PCDHA3: variants seen among roughly 807,000 people sequenced by gnomAD.
PCDHA3 encodes the protein protocadherin alpha-3.
A neutral mutation model predicts 62.2 loss-of-function variants in PCDHA3; 41 were observed. That is an observed-to-expected ratio of 0.66 (90% confidence interval 0.51 to 0.86). PCDHA3 has a LOEUF of 0.86. Ranked by LOEUF, PCDHA3 falls within the 40% of genes least tolerant of loss-of-function variation. The pLI, the probability that PCDHA3 is intolerant of heterozygous loss-of-function variation, is 0.00. For missense variants in PCDHA3, 1,304 were observed against 1,241.2 expected, an observed-to-expected ratio of 1.05 and a Z score of -0.76; for synonymous variants, 640 against 555.4, an observed-to-expected ratio of 1.15 and a Z score of -2.14.
intron 3 of PCDHA3, among the ~76,000 whole-genome samples, chr5:140,983,425 C>T (rs1252010683): frequency 2.0e-5 from 3 of 152,198 alleles, no homozygotes; most frequent in Non-Finnish European, 4.4e-5. Context: ...GTAGAGACCA[C>T]AAATTGTGTC....
intron 1 of PCDHA3, among the ~76,000 whole-genome samples, chr5:140,904,904 C>A (rs1463349424): frequency 6.6e-6 from 1 of 151,948 alleles, no homozygotes; most frequent in Non-Finnish European, 1.5e-5. Context: ...GTTTTTCTTA[C>A]TGATTTGTTT....
chr5:140,869,249 C>T (rs1554162740), intron 1 of PCDHA3: 2 of 1,613,496 alleles, frequency 1.2e-6, no homozygotes, highest in Admixed American at 3.3e-5. Flanking sequence ...GGCCGCATCG[C>T]GCAGGACCTG....
At chr5:140,901,161 G>A (rs1554189608) in intron 1 of PCDHA3, among the ~76,000 whole-genome samples, 1 of 152,084 alleles carries the variant, frequency 6.6e-6, no homozygotes, top group African/African-American at 2.4e-5. Flanking sequence ...TCTGTGGGTT[G>A]TCTCTTCACT....
intron 1 of PCDHA3, among the ~76,000 whole-genome samples, chr5:140,819,205 A>G (rs1431805536): frequency 2.0e-5 from 3 of 152,176 alleles, no homozygotes; most frequent in Non-Finnish European, 4.4e-5. Flanking sequence ...TTATTTATAC[A>G]TTTTTATACA....
intron 1 of PCDHA3, chr5:140,927,342 T>C: frequency 6.2e-7 from 1 of 1,614,160 alleles, no homozygotes; most frequent in Non-Finnish European, 8.5e-7. Context: ...ATGCCCAAGA[T>C]GACGACGAGG....
At chr5:140,883,272 C>T in intron 1 of PCDHA3, 1 of 1,613,880 alleles carries the variant, frequency 6.2e-7, no homozygotes, top group Non-Finnish European at 8.5e-7. Context: ...GGTCATTGTA[C>T]CCTTTTGGTG....
At chr5:140,809,607 A>G (rs1554125314) in intron 1 of PCDHA3, 2 of 1,523,828 alleles carry the variant, frequency 1.3e-6, no homozygotes, top group Non-Finnish European at 1.8e-6. Context: ...TAATTTTCGT[A>G]TTGTTTTTCT....
intron 1 of PCDHA3, chr5:140,807,517 A>G (rs3822347): frequency 0.53 from 849,109 of 1,611,782 alleles, 224,501 homozygotes; most frequent in Middle Eastern, 0.58. Flanking sequence ...AGGTGATCGT[A>G]GACAGGCCGC....
chr5:140,914,377 G>C (rs2076685968), intron 1 of PCDHA3, among the ~76,000 whole-genome samples: 1 of 152,090 alleles, frequency 6.6e-6, no homozygotes, highest in Non-Finnish European at 1.5e-5. Flanking sequence ...TATTTTATCT[G>C]TTATAAGTGT....
At chr5:140,948,259 G>A (rs1430770984) in intron 1 of PCDHA3, among the ~76,000 whole-genome samples, 3 of 151,464 alleles carry the variant, frequency 2.0e-5, no homozygotes, top group Non-Finnish European at 3.0e-5. Context: ...TTACATCTGT[G>A]TTCATGTAGA....
At chr5:140,810,520 T>C (rs1764674598) in intron 1 of PCDHA3, 1 of 152,260 alleles carries the variant, frequency 6.6e-6, no homozygotes, top group Non-Finnish European at 1.5e-5. Flanking sequence ...TTAGCCATTT[T>C]ACTGGGTGAC....
At position 141,009,931 on chromosome 5, in the gene PCDHA3, C is replaced by T. The variant is rs2098415407; in HGVS notation, c.2847C>T (p.Asp949=). ...EKGNSTTDNS[D]Q ...GGAACAGCACGACTGACAACAGTGA[C>T]CAGTGAGGTCCTCAAATGGAAACAA... Residue 949 remains aspartate (D), a synonymous_variant, in exon 4 of 4, where the codon GAC becomes GAT. Transcript: ENST00000522353. The T allele has an allele frequency of 6.2e-7, 1 of 1,601,706 alleles. No individual in the cohort carries two copies. The highest frequency in any genetic ancestry group is 8.5e-7 in the Non-Finnish European group (1 of 1,175,864).
chr5:140,920,583 C>A (rs1287573835), intron 1 of PCDHA3, among the ~76,000 whole-genome samples: 1 of 152,106 alleles, frequency 6.6e-6, no homozygotes, highest in African/African-American at 2.4e-5. Context: ...CAGTGGCTCA[C>A]GCCTGTAATC....
In PCDHA3 at chr5:141,010,436, G is replaced by C; in HGVS notation, c.*499G>C. 2 of 1,038,344 alleles carry C rather than the reference G, an allele frequency of 1.9e-6. No individual in the cohort carries two copies. Among genetic ancestry groups the C allele is most frequent in the Admixed American group, 5.8e-5 (2 of 34,296 alleles). The allele number at this position is 1,038,344 out of a possible 1,614,324, so 64.3% of individuals were successfully genotyped here. A position where few individuals can be genotyped will look rare whatever the true frequency, so the allele number is the denominator to read the frequency against. On this transcript the variant is annotated 3_prime_UTR_variant, in exon 4 of 4. Coordinates refer to ENST00000522353, the MANE Select transcript of PCDHA3 (RefSeq NM_018906.3). The stretch of plus-strand genomic sequence containing the variant: ...GGTACAAGGAAGGCAAGAAAACAAA[G>C]ACAAATAAACAGCGGAAGTTATCAG...
chr5:140,864,323 T>C (rs2048419778), intron 1 of PCDHA3: 1 of 152,230 alleles, frequency 6.6e-6, no homozygotes, highest in Admixed American at 6.5e-5. Flanking sequence ...TTTAATATCA[T>C]AATTATTTGA....
intron 1 of PCDHA3, among the ~76,000 whole-genome samples, chr5:140,919,580 A>G (rs1454243319): frequency 1.3e-5 from 2 of 152,194 alleles, no homozygotes; most frequent in African/African-American, 4.8e-5. Context: ...TTAGAATGTA[A>G]CATGGTAATT....
intron 3 of PCDHA3, among the ~76,000 whole-genome samples, chr5:140,996,441 C>G (rs2097726719): frequency 6.6e-6 from 1 of 152,146 alleles, no homozygotes; most frequent in Non-Finnish European, 1.5e-5. Context: ...TAGTCAGTGT[C>G]AAGTTGTGGT....
Position 140,823,167 on chromosome 5 carries a change from G to A in PCDHA3, c.2394+19576G>A, listed in dbSNP as rs150604968. The A allele has an allele frequency of 3.1e-4, 499 of 1,613,956 alleles. 3 individuals carry two copies. In the African/African-American group the frequency reaches 6.0e-3, roughly 20 times the overall value. ...AGCCCCAGTATACCGTGTTCGTGAA[G>A]GAGAACAACCCGCCAGGCTGCCACA... is the stretch of plus-strand genomic sequence containing the variant. On this transcript the variant is annotated intron_variant, in intron 1 of 3. Coordinates refer to ENST00000522353, the MANE Select transcript of PCDHA3 (RefSeq NM_018906.3).
intron 2 of PCDHA3, among the ~76,000 whole-genome samples, chr5:140,980,164 G>A (rs187011465): frequency 1.6e-3 from 238 of 152,226 alleles, no homozygotes; most frequent in Middle Eastern, 6.8e-3. Context: ...AGAATATTAG[G>A]TATCAGAAGA....
Sources: gnomAD v4.1 joint callset for allele counts (sites outside exome capture counted in the v4.1 genomes callset) on GRCh38, gnomAD v4.1.1 for gene constraint, MANE v1.5 for transcripts, NCBI Gene and HGNC (gene_info 2026-07-23, HGNC 2026-07-21) for gene names.